PIK3C2G: variants seen among roughly 807,000 people sequenced by gnomAD.
The protein encoded by PIK3C2G is phosphatidylinositol-4-phosphate 3-kinase catalytic subunit type 2 gamma.
A neutral mutation model predicts 181.1 loss-of-function variants in PIK3C2G; 168 were observed. The observed-to-expected ratio is 0.93, with a 90% CI of 0.82 to 1.05. The LOEUF is 1.05. Among genes scored for constraint, PIK3C2G ranks in the 50% least tolerant of loss-of-function variants. The pLI, the probability that PIK3C2G is intolerant of heterozygous loss-of-function variation, is 0.00. For missense variants in PIK3C2G, 1,869 were observed against 1,732.8 expected (o/e 1.08, Z -1.40); for synonymous variants, 573 against 592.2 (o/e 0.97, Z 0.47).
chr12:18,431,479 A>C (rs1484744482), intron 18 of PIK3C2G, among the ~76,000 whole-genome samples: 1 of 152,210 alleles, frequency 6.6e-6, no homozygotes, highest in African/African-American at 2.4e-5. Flanking sequence ...GCAAGGCCAG[A>C]CATCCAGTGA....
At chr12:18,676,378 C>CT in the PIK3C2G span, among the ~76,000 whole-genome samples, 1 of 152,108 alleles carries the variant, frequency 6.6e-6, no homozygotes, top group East Asian at 2.0e-4. Flanking sequence ...CCATAGTCAG[C>CT]TTTTTTGCAG....
intron 18 of PIK3C2G, among the ~76,000 whole-genome samples, chr12:18,452,156 C>CT (rs1237790475): frequency 2.0e-5 from 3 of 152,184 alleles, no homozygotes; most frequent in Admixed American, 1.3e-4. Flanking sequence ...GTACCAGCTC[C>CT]TCTTTGTACC....
chr12:18,705,814 C>T, the PIK3C2G span, among the ~76,000 whole-genome samples: 5 of 152,022 alleles, frequency 3.3e-5, no homozygotes, highest in South Asian at 4.2e-4. Context: ...TACAACGAGC[C>T]GAGGTTGCGC....
chr12:18,713,895 C>G, the PIK3C2G span: 188 of 152,112 alleles, frequency 1.2e-3, 1 homozygote, highest in African/African-American at 4.3e-3. Context: ...TCAGTTGTAC[C>G]CACTGTGTTT....
At chr12:18,266,061 T>C (rs2137023912) in intron 1 of PIK3C2G, among the ~76,000 whole-genome samples, 1 of 149,304 alleles carries the variant, frequency 6.7e-6, no homozygotes, top group Admixed American at 6.7e-5. Flanking sequence ...ATAGAAAATT[T>C]ATATTTGCAT....
At chr12:18,354,156 G>C (rs953706998) in intron 11 of PIK3C2G, among the ~76,000 whole-genome samples, 2 of 152,226 alleles carry the variant, frequency 1.3e-5, no homozygotes, top group Non-Finnish European at 2.9e-5. Flanking sequence ...CAAATACTTG[G>C]GTTAAATTCT....
chr12:18,500,576 C>A (rs1033495236), intron 22 of PIK3C2G, among the ~76,000 whole-genome samples: 34 of 152,170 alleles, frequency 2.2e-4, no homozygotes, highest in Non-Finnish European at 3.7e-4. Context: ...AGCCCCAATG[C>A]GAGATCCACT....
chr12:18,715,226 C>G, the PIK3C2G span, among the ~76,000 whole-genome samples: 1 of 109,118 alleles, frequency 9.2e-6, no homozygotes, highest in Non-Finnish European at 1.7e-5. Flanking sequence ...AGAGAGAGAC[C>G]TTATATACCC....
At chr12:18,498,135 A>G (rs894040330) in intron 22 of PIK3C2G, among the ~76,000 whole-genome samples, 4 of 152,234 alleles carry the variant, frequency 2.6e-5, no homozygotes, top group African/African-American at 9.6e-5. Flanking sequence ...AAGTGCTGAA[A>G]GGAGTTCTGG....
chr12:18,676,026 G>T, the PIK3C2G span, among the ~76,000 whole-genome samples: 18 of 151,802 alleles, frequency 1.2e-4, no homozygotes, highest in East Asian at 3.5e-3. Context: ...AAAACTTTTT[G>T]AAAGAAAGGA....
chr12:18,653,583 A>G, the PIK3C2G span, among the ~76,000 whole-genome samples: 1 of 152,168 alleles, frequency 6.6e-6, no homozygotes, highest in Non-Finnish European at 1.5e-5. Flanking sequence ...GTTCCTTTGT[A>G]TGTGTGCATG....
chr12:18,659,618 T>C, the PIK3C2G span, among the ~76,000 whole-genome samples: 517 of 151,940 alleles, frequency 3.4e-3, 3 homozygotes, highest in Non-Finnish European at 4.5e-3. Flanking sequence ...TTCATTTACG[T>C]GTCAGGCCTC....
chr12:18,386,844 A>G (rs1488409172), intron 14 of PIK3C2G, among the ~76,000 whole-genome samples: 1 of 152,102 alleles, frequency 6.6e-6, no homozygotes, highest in African/African-American at 2.4e-5. Context: ...TTAGCCATGG[A>G]ATTACTGGGT....
At chr12:18,706,337 T>C in the PIK3C2G span, among the ~76,000 whole-genome samples, 31 of 152,014 alleles carry the variant, frequency 2.0e-4, no homozygotes, top group African/African-American at 7.2e-4. Flanking sequence ...AAAAGTAGCA[T>C]GCTATATTTT....
chr12:18,593,280 G>T (rs906037933), intron 29 of PIK3C2G, among the ~76,000 whole-genome samples: 4 of 151,898 alleles, frequency 2.6e-5, no homozygotes, highest in Non-Finnish European at 5.9e-5. Flanking sequence ...GAATTTGGGA[G>T]GGGGAAATAA....
intron 18 of PIK3C2G, among the ~76,000 whole-genome samples, chr12:18,461,572 T>C (rs1301291384): frequency 1.3e-5 from 2 of 152,242 alleles, no homozygotes; most frequent in African/African-American, 4.8e-5. Flanking sequence ...TAGCAATAAA[T>C]AAGACCAGCT....
rs1346725941 is a variant in PIK3C2G at position 18,563,462 on chromosome 12, A to G, written c.3866A>G (p.Gln1289Arg). ...GAGCAGTTTTCAAAACTTCACAGCC[A>G]ACTTCAGAAGCAGTTTGCATCACTG... is the stretch of plus-strand genomic sequence containing the variant. ...SFEQFSKLHS[Q>R]LQKQFASLTL... Residue 1289 changes from glutamine to arginine, a missense_variant, in exon 28 of 33, where the codon CAA (glutamine) becomes CGA (arginine). Gln to Arg is a conservative substitution (Grantham distance 43). Transcript: ENST00000538779. 6.2e-7 allele frequency: 1 copy of G among 1,613,848 alleles called. No individual in the cohort carries two copies. The highest frequency in any genetic ancestry group is 1.1e-5 in the South Asian group (1 of 91,082).
intron 13 of PIK3C2G, among the ~76,000 whole-genome samples, chr12:18,380,838 C>T (rs1942787095): frequency 6.6e-6 from 1 of 152,148 alleles, no homozygotes; most frequent in African/African-American, 2.4e-5. Flanking sequence ...GAATTTTTTC[C>T]TCATGCTTTG....
At chr12:18,468,477 T>C (rs1938133389) in intron 18 of PIK3C2G, among the ~76,000 whole-genome samples, 1 of 152,140 alleles carries the variant, frequency 6.6e-6, no homozygotes, top group Admixed American at 6.6e-5. Flanking sequence ...TTCAAATTCA[T>C]GGTCAGATAC....
Sources: gnomAD v4.1 joint callset for allele counts (sites outside exome capture counted in the v4.1 genomes callset) on GRCh38, gnomAD v4.1.1 for gene constraint, MANE v1.5 for transcripts, NCBI Gene and HGNC (gene_info 2026-07-23, HGNC 2026-07-21) for gene names.